INVS: variants seen among roughly 807,000 people sequenced by gnomAD.
The protein encoded by INVS is inversion of embryo turning homolog.
A neutral mutation model predicts 108.8 loss-of-function variants in INVS; 86 were observed. That is an observed-to-expected ratio of 0.79 (90% CI 0.66 to 0.95). INVS has a LOEUF of 0.95. INVS is among the 40% of genes least tolerant of loss of function. The probability of loss-of-function intolerance (pLI) is 0.00; values close to 1 mark genes in which losing one functional copy is unlikely to be tolerated. For missense variants in INVS, 1,169 were observed against 1,297.4 expected, an observed-to-expected ratio of 0.90 and a Z score of 1.52; for synonymous variants, 455 against 473.5, an observed-to-expected ratio of 0.96 and a Z score of 0.51.
At chr9:100,128,666 C>T (rs1403014186) in intron 3 of INVS, among the ~76,000 whole-genome samples, 2 of 152,170 alleles carry the variant, frequency 1.3e-5, no homozygotes, top group African/African-American at 4.8e-5. Context: ...AGCACAAATT[C>T]TCTTTAGAGA....
At chr9:100,234,407 G>A (rs976984666) in intron 5 of INVS, among the ~76,000 whole-genome samples, 43 of 151,926 alleles carry the variant, frequency 2.8e-4, no homozygotes, top group African/African-American at 1.0e-3. Flanking sequence ...CTTCTGTTAG[G>A]TTTTTAATTT....
At chr9:100,238,961 G>A (rs1831778611) in intron 5 of INVS, among the ~76,000 whole-genome samples, 1 of 152,214 alleles carries the variant, frequency 6.6e-6, no homozygotes, top group Non-Finnish European at 1.5e-5. Flanking sequence ...ATAACCATAA[G>A]GGAAAAATGC....
chr9:100,193,424 G>T (rs1232814588), intron 3 of INVS, among the ~76,000 whole-genome samples: 2 of 152,066 alleles, frequency 1.3e-5, no homozygotes, highest in Non-Finnish European at 2.9e-5. Context: ...TCACAGCATT[G>T]TGCCACCATC....
intron 3 of INVS, among the ~76,000 whole-genome samples, chr9:100,162,759 G>T (rs1352149081): frequency 1.3e-5 from 2 of 151,810 alleles, no homozygotes; most frequent in Non-Finnish European, 2.9e-5. Flanking sequence ...CCTGGGAGGC[G>T]GAGGTTGCAG....
intron 14 of INVS, among the ~76,000 whole-genome samples, chr9:100,294,510 T>C (rs1046716599): frequency 1.3e-5 from 2 of 152,176 alleles, no homozygotes; most frequent in African/African-American, 4.8e-5. Flanking sequence ...TGACCCCATG[T>C]GAACTCCCAA....
chr9:100,107,171 AC>A (rs1353977250), intron 2 of INVS, among the ~76,000 whole-genome samples: 4 of 152,136 alleles, frequency 2.6e-5, no homozygotes, highest in African/African-American at 9.7e-5. Context: ...CACTTAAACC[AC>A]CTAGGTTAAG....
chr9:100,277,444 T>G (rs1833147138), intron 12 of INVS, among the ~76,000 whole-genome samples: 3 of 152,218 alleles, frequency 2.0e-5, no homozygotes, highest in African/African-American at 7.2e-5. Context: ...ATTCCACTTC[T>G]CTGAGCCTCA....
At chr9:100,267,091 T>C (rs1179816906) in intron 11 of INVS, among the ~76,000 whole-genome samples, 3 of 151,090 alleles carry the variant, frequency 2.0e-5, no homozygotes, top group African/African-American at 7.3e-5. Flanking sequence ...TTTGTTTCTA[T>C]AAAAATTTAT....
At chr9:100,143,704 G>A (rs1448802751) in intron 3 of INVS, among the ~76,000 whole-genome samples, 1 of 152,124 alleles carries the variant, frequency 6.6e-6, no homozygotes, top group African/African-American at 2.4e-5. Flanking sequence ...CTAAAAAGGA[G>A]TGCTTAAAAG....
intron 3 of INVS, among the ~76,000 whole-genome samples, chr9:100,160,000 A>G (rs1829117752): frequency 6.6e-6 from 1 of 152,200 alleles, no homozygotes; most frequent in African/African-American, 2.4e-5. Flanking sequence ...TAACCAGGGT[A>G]GCCTCTGGAA....
chr9:100,283,383 G>A (rs1181726208), intron 12 of INVS, among the ~76,000 whole-genome samples: 1 of 152,144 alleles, frequency 6.6e-6, no homozygotes, highest in African/African-American at 2.4e-5. Flanking sequence ...GTCCCCTTCT[G>A]GGTAGAAGAT....
intron 3 of INVS, among the ~76,000 whole-genome samples, chr9:100,190,813 A>C (rs1414319208): frequency 6.6e-6 from 1 of 151,134 alleles, no homozygotes; most frequent in Admixed American, 6.6e-5. Flanking sequence ...CTTCATGTTG[A>C]TTTTAGATAC....
chr9:100,141,914 T>G (rs185476936), intron 3 of INVS, among the ~76,000 whole-genome samples: 28 of 152,312 alleles, frequency 1.8e-4, no homozygotes, highest in Non-Finnish European at 1.5e-4. Flanking sequence ...ATATTTTCCT[T>G]GGTCTAAGAA....
rs989910600 is a variant in INVS, at chr9:100,272,959, A to T, written c.1667A>T (p.Asp556Val). Reference protein sequence around the residue: ...HGALSIAAIQDIAAFKIQAVY... With the variant: ...HGALSIAAIQVIAAFKIQAVY... Reference sequence around the variant, plus strand: ...GCCCTGTCCATCGCAGCCATACAAGACATCGCCGCCTTCAAAATCCAAGCT... The same window carrying T: ...GCCCTGTCCATCGCAGCCATACAAGTCATCGCCGCCTTCAAAATCCAAGCT... The change falls in exon 12 of 17, where the codon GAC becomes GTC. Residue 556 changes from aspartate (D) to valine (V), a missense_variant. Transcript: ENST00000262457. 1.2e-6 allele frequency: 2 copies of T among 1,614,030 alleles called. No homozygotes were observed. Among genetic ancestry groups the T allele is most frequent in the African/African-American group, 2.7e-5 (2 of 74,920 alleles).
At chr9:100,193,789 G>A (rs935148344) in intron 3 of INVS, among the ~76,000 whole-genome samples, 2 of 151,976 alleles carry the variant, frequency 1.3e-5, no homozygotes, top group African/African-American at 4.8e-5. Context: ...TATTATCATT[G>A]TTCAGTATTA....
At chr9:100,142,806 C>A (rs1384811201) in intron 3 of INVS, among the ~76,000 whole-genome samples, 2 of 152,174 alleles carry the variant, frequency 1.3e-5, no homozygotes, top group Non-Finnish European at 2.9e-5. Context: ...TGGGTTAAAA[C>A]AGTAAGGTCC....
At chr9:100,169,411 G>A (rs1829467964) in intron 3 of INVS, among the ~76,000 whole-genome samples, 1 of 152,160 alleles carries the variant, frequency 6.6e-6, no homozygotes, top group Non-Finnish European at 1.5e-5. Flanking sequence ...TGAGAAAAAT[G>A]AGTTAGCTCG....
At position 100,296,917 on chromosome 9, in the gene INVS, C is replaced by A. The variant is rs542031662; in HGVS notation, c.2787C>A (p.Ser929Arg). The part of the protein sequence containing the change: ...AAAVIQRAWR[S>R]YQLRKHLSHL... Reference sequence around the variant, plus strand: ...CTCTCCTCTCCTCTGACCCAACCAGCTACCAGCTCAGGAAGCACCTGTCCC... The same window carrying A: ...CTCTCCTCTCCTCTGACCCAACCAGATACCAGCTCAGGAAGCACCTGTCCC... Residue 929 changes from serine (S) to arginine (R), a missense_variant and splice_region_variant, in exon 15 of 17, where the codon AGC becomes AGA. By Grantham distance (110) the Ser-to-Arg change is moderately radical. Around this residue, in one of 3 missense-constraint regions of INVS, gnomAD observed 533 missense variants for 536.0 expected, o/e 0.99. Transcript: ENST00000262457. 4 of 1,613,816 alleles carry A rather than the reference C, an allele frequency of 2.5e-6. No individual in the cohort carries two copies. The East Asian group carries it at 8.9e-5, about 36-fold the overall frequency.
intron 5 of INVS, among the ~76,000 whole-genome samples, chr9:100,233,722 A>T (rs1831589078): frequency 6.6e-6 from 1 of 152,134 alleles, no homozygotes; most frequent in African/African-American, 2.4e-5. Flanking sequence ...GATGAAGCTG[A>T]CTTGATCATG....
Sources: allele counts gnomAD v4.1 joint callset (sites outside exome capture counted in the v4.1 genomes callset), GRCh38; gene constraint gnomAD v4.1.1; regional missense constraint gnomAD v4.1.1; transcripts MANE v1.5; gene names NCBI Gene and HGNC (gene_info 2026-07-23, HGNC 2026-07-21).